The following ZNF226 variants were observed in gnomAD, a reference collection of about 807,000 sequenced individuals.
ZNF226 encodes the protein zinc finger protein 226, also known as Kruppel-associated box protein.
A neutral mutation model predicts 11.4 loss-of-function variants in ZNF226; 6 were observed. The observed-to-expected ratio is 0.53, with a 90% CI of 0.29 to 1.04. The LOEUF (loss-of-function observed/expected upper bound fraction) is 1.04, where lower values mean the gene tolerates loss of function less well. Ranked by LOEUF, ZNF226 falls within the 50% of genes least tolerant of loss-of-function variation. ZNF226 has a pLI of 0.08. For synonymous variants in ZNF226, 350 were observed against 322.8 expected, an observed-to-expected ratio of 1.08 and a Z score of -0.90; for missense variants, 1,058 against 956.5, an observed-to-expected ratio of 1.11 and a Z score of -1.40.
At chr19:44,185,555 C>T in the ZNF226 span, among the ~76,000 whole-genome samples, 1 of 152,076 alleles carries the variant, frequency 6.6e-6, no homozygotes, top group Non-Finnish European at 1.5e-5. Flanking sequence ...CTTCTCTGGA[C>T]ATGTGTGTTT....
At chr19:44,186,963 A>G in the ZNF226 span, among the ~76,000 whole-genome samples, 3 of 151,670 alleles carry the variant, frequency 2.0e-5, no homozygotes, top group African/African-American at 7.3e-5. Context: ...TATACCAGGT[A>G]TAAATCTTGC....
the ZNF226 span, among the ~76,000 whole-genome samples, chr19:44,184,595 T>C: frequency 2.0e-5 from 3 of 147,340 alleles, no homozygotes; most frequent in African/African-American, 7.4e-5. Context: ...AAAAAAAAGA[T>C]TTCTAAAGGA....
At chr19:44,170,567 TA>T (rs913216237) in intron 3 of ZNF226, among the ~76,000 whole-genome samples, 1 of 152,086 alleles carries the variant, frequency 6.6e-6, no homozygotes, top group Non-Finnish European at 1.5e-5. Flanking sequence ...ACCCCATCTC[TA>T]CTAAAAATAC....
chr19:44,180,223 A>C (rs559689607), downstream of ZNF226, among the ~76,000 whole-genome samples: 13 of 152,306 alleles, frequency 8.5e-5, no homozygotes, highest in South Asian at 2.1e-4. Context: ...AGAGAACAGC[A>C]TGATGCCAGT....
chr19:44,171,804 TA>T (rs1438933459), intron 3 of ZNF226, among the ~76,000 whole-genome samples: 2 of 152,224 alleles, frequency 1.3e-5, no homozygotes, highest in African/African-American at 4.8e-5. Flanking sequence ...ACTCAATTGG[TA>T]AACCTTTCTG....
At chr19:44,175,027 A>G in intron 5 of ZNF226, 2 of 1,611,528 alleles carry the variant, frequency 1.2e-6, no homozygotes, top group Non-Finnish European at 1.7e-6. Context: ...ACCTGGCTCA[A>G]ACTTAAACTT....
At chr19:44,184,513 T>C in the ZNF226 span, among the ~76,000 whole-genome samples, 1 of 150,852 alleles carries the variant, frequency 6.6e-6, no homozygotes, top group Non-Finnish European at 1.5e-5. Context: ...CGGGAGGCGG[T>C]GGAGGTTGCA....
rs1426706155 is a variant in ZNF226, at chr19:44,175,735, A to G, written c.473A>G (p.Asn158Ser). The change falls in exon 6 of 6, where the codon AAT (asparagine) becomes AGT (serine). Residue 158 changes from asparagine to serine, a missense_variant. Asn to Ser is a conservative substitution (Grantham distance 46). Coordinates refer to ENST00000337433, the MANE Select transcript of ZNF226 (RefSeq NM_001032373.2). ...YIVNKADGPN[N>S]TGNPEFPILR... The stretch of plus-strand genomic sequence containing the variant: ...GTAAATAAAGCAGATGGTCCCAATA[A>G]TACTGGGAATCCAGAGTTTCCTATC... 1 of 1,612,976 alleles carries G rather than the reference A, an allele frequency of 6.2e-7. No individual in the cohort carries two copies. The highest frequency in any genetic ancestry group is 1.7e-5 in the Admixed American group (1 of 59,820).
chr19:44,192,528 G>C, the ZNF226 span, among the ~76,000 whole-genome samples: 58 of 148,676 alleles, frequency 3.9e-4, 2 homozygotes, highest in South Asian at 2.1e-4. Context: ...TTCTTTCAAA[G>C]CACCTAAGTA....
intron 3 of ZNF226, 112 bp downstream of exon 3, chr19:44,170,207 T>C (rs1232920584): frequency 2.0e-6 from 2 of 976,834 alleles, no homozygotes; most frequent in Non-Finnish European, 3.0e-6. Context: ...ACCTGTTGAG[T>C]GTGCTAGGTG....
chr19:44,177,901 G>T, downstream of ZNF226: 1 of 445,116 alleles, frequency 2.2e-6, no homozygotes, highest in Non-Finnish European at 3.9e-6. Flanking sequence ...AAAGTATCAT[G>T]GTGGACATGC....
chr19:44,165,460 G>C (rs1969256757), intron 1 of ZNF226: 1 of 152,068 alleles, frequency 6.6e-6, no homozygotes, highest in African/African-American at 2.4e-5. Context: ...CCGTGCCTTC[G>C]TTTGCTGTTC....
In ZNF226 at chr19:44,176,079, T is replaced by G; in HGVS notation, c.817T>G (p.Leu273Val). The G allele has an allele frequency of 6.2e-7, 1 of 1,614,158 alleles. No homozygotes were observed. Among genetic ancestry groups the G allele is most frequent in the East Asian group, 2.2e-5 (1 of 44,880 alleles). ...DLSSFDLHQQ[L>V]QSGEKSLTCV... ...CTCCAGCTTTGATCTTCATCAGCAGTTACAATCAGGAGAGAAGTCTCTTAC... is the reference window on the plus strand; with the variant it reads ...CTCCAGCTTTGATCTTCATCAGCAGGTACAATCAGGAGAGAAGTCTCTTAC... Residue 273 changes from leucine to valine, a missense_variant, in exon 6 of 6, where the codon TTA (leucine) becomes GTA (valine). By Grantham distance (32) the Leu-to-Val change is conservative (BLOSUM62 1). Coordinates refer to ENST00000337433, the MANE Select transcript of ZNF226 (RefSeq NM_001032373.2).
chr19:44,179,367 CATAGT>C (rs1970872704), downstream of ZNF226, among the ~76,000 whole-genome samples: 1 of 151,938 alleles, frequency 6.6e-6, no homozygotes, highest in Non-Finnish European at 1.5e-5. Context: ...TTTACAGTAA[CATAGT>C]AAAAATATAA....
At chr19:44,168,560 T>C (rs1283070668) in intron 2 of ZNF226, among the ~76,000 whole-genome samples, 1 of 152,246 alleles carries the variant, frequency 6.6e-6, no homozygotes, top group African/African-American at 2.4e-5. Flanking sequence ...GCTCTCGATA[T>C]CTTTCTAGAG....
rs573383435 is a variant in ZNF226 at position 44,176,279 on chromosome 19, A to G, written c.1017A>G (p.Gln339=). 181 of 1,614,176 alleles carry G rather than the reference A, an allele frequency of 1.1e-4. No homozygotes were observed. In the South Asian group the frequency reaches 1.5e-3, roughly 13 times the overall value. Residue 339 remains glutamine, a synonymous_variant, in exon 6 of 6, where the codon CAA becomes CAG. Transcript: ENST00000337433. The stretch of plus-strand genomic sequence containing the variant: ...TAGAGAAACCATACAAATGTAAGCA[A>G]TGTGGGAAAGGTTTCAGTCGTAGAT... The part of the protein sequence containing the change: ...HVIEKPYKCK[Q]CGKGFSRRSA...
At chr19:44,174,966 G>GTTCTTTTTGTATTTCAGATACCTTACT in intron 5 of ZNF226, 1 of 1,608,906 alleles carries the variant, frequency 6.2e-7, no homozygotes, top group Non-Finnish European at 8.5e-7. Flanking sequence ...GTACTTTCTA[G>GTTCTTTTTGTATTTCAGATACCTTACT]TTCTTTTTGT....
At chr19:44,174,904 C>CA (rs765134245) in intron 5 of ZNF226, 1 of 1,343,054 alleles carries the variant, frequency 7.4e-7, no homozygotes, top group Non-Finnish European at 1.0e-6. Flanking sequence ...AGCAATAACT[C>CA]ACTTGGTGTA....
At chr19:44,182,312 C>T (rs1475844914), downstream of ZNF226, among the ~76,000 whole-genome samples, 1 of 152,176 alleles carries the variant, frequency 6.6e-6, no homozygotes, top group Non-Finnish European at 1.5e-5. Flanking sequence ...TGGCCTCTAG[C>T]CACTAGATGC....
Sources: allele counts gnomAD v4.1 joint callset (sites outside exome capture counted in the v4.1 genomes callset), GRCh38; gene constraint gnomAD v4.1.1; transcripts MANE v1.5; gene names NCBI Gene and HGNC (gene_info 2026-07-23, HGNC 2026-07-21).